Variants in PRKCE observed in about 807,000 individuals in gnomAD.
The protein encoded by PRKCE is protein kinase C epsilon.
A neutral mutation model predicts 85.4 loss-of-function variants in PRKCE; 16 were observed. The ratio of observed to expected loss-of-function variants is 0.19; its 90% CI spans 0.13 to 0.28. The LOEUF is 0.28. Among genes scored for constraint, PRKCE ranks in the 10% least tolerant of loss-of-function variants. The probability of loss-of-function intolerance (pLI) is 1.00; values close to 1 mark genes in which losing one functional copy is unlikely to be tolerated. For missense variants in PRKCE, 573 were observed against 975.2 expected, an observed-to-expected ratio of 0.59 and a Z score of 5.49; for synonymous variants, 388 against 371.5, an observed-to-expected ratio of 1.04 and a Z score of -0.51.
chr2:45,773,655 C>T (rs1216092946), intron 1 of PRKCE, among the ~76,000 whole-genome samples: 1 of 152,170 alleles, frequency 6.6e-6, no homozygotes, highest in Non-Finnish European at 1.5e-5. Flanking sequence ...TTCTAGAATT[C>T]CAGTGAGAGG....
intron 2 of PRKCE, among the ~76,000 whole-genome samples, chr2:45,867,475 C>T (rs1693703804): frequency 1.3e-5 from 2 of 152,194 alleles, no homozygotes; most frequent in Non-Finnish European, 2.9e-5. Context: ...CTGCAGCCAA[C>T]AGGGGTAGAG....
chr2:45,734,673 G>A (rs1427760653), intron 1 of PRKCE, among the ~76,000 whole-genome samples: 1 of 152,230 alleles, frequency 6.6e-6, no homozygotes, highest in Admixed American at 6.5e-5. Context: ...AGAACCCTGA[G>A]CCTGAGTGTA....
chr2:46,020,913 T>C (rs1377139716), intron 10 of PRKCE, among the ~76,000 whole-genome samples: 1 of 152,246 alleles, frequency 6.6e-6, no homozygotes, highest in Non-Finnish European at 1.5e-5. Context: ...ATTTCATCAA[T>C]CTTACCCAAG....
intron 10 of PRKCE, among the ~76,000 whole-genome samples, chr2:46,055,428 T>TG (rs1307137304): frequency 6.6e-6 from 1 of 152,220 alleles, no homozygotes; most frequent in Non-Finnish European, 1.5e-5. Flanking sequence ...TTCCCTCCCA[T>TG]GAAGGGGTCA....
chr2:46,166,005 G>T (rs1678301430), intron 14 of PRKCE, among the ~76,000 whole-genome samples: 1 of 152,234 alleles, frequency 6.6e-6, no homozygotes, highest in Non-Finnish European at 1.5e-5. Context: ...TCTCCAGGTA[G>T]GTGAGCCCTC....
chr2:46,033,834 C>T (rs1377308322), intron 10 of PRKCE, among the ~76,000 whole-genome samples: 3 of 152,172 alleles, frequency 2.0e-5, no homozygotes, highest in African/African-American at 7.2e-5. Flanking sequence ...GGCATTTCAC[C>T]TGAGCCTGGA....
intron 1 of PRKCE, among the ~76,000 whole-genome samples, chr2:45,791,732 C>T (rs1398543425): frequency 1.3e-5 from 2 of 152,224 alleles, no homozygotes; most frequent in East Asian, 1.9e-4. Flanking sequence ...GGTTAATGCG[C>T]TCCTCTCTGC....
chr2:45,878,803 A>G (rs943033857), intron 2 of PRKCE, among the ~76,000 whole-genome samples: 1 of 152,198 alleles, frequency 6.6e-6, no homozygotes, highest in Non-Finnish European at 1.5e-5. Flanking sequence ...TAAAAGATGC[A>G]CTTATTTTTC....
intron 1 of PRKCE, among the ~76,000 whole-genome samples, chr2:45,661,523 G>GTTTTTTTTTTTTTTTTTTTTTTTTTTTTT (rs367628974): frequency 3.1e-5 from 3 of 96,654 alleles, no homozygotes; most frequent in East Asian, 3.0e-4. Context: ...TTTGTTTTTT[G>GTTTTTTTTTTTTTTTTTTTTTTTTTTTTT]TTTTTTGTTT....
intron 1 of PRKCE, among the ~76,000 whole-genome samples, chr2:45,727,001 T>C (rs934451252): frequency 1.3e-5 from 2 of 152,318 alleles, no homozygotes; most frequent in Non-Finnish European, 2.9e-5. Context: ...ACAAGCTCTA[T>C]TGAGTTTGAG....
intron 1 of PRKCE, among the ~76,000 whole-genome samples, chr2:45,654,279 G>A (rs998136929): frequency 6.6e-6 from 1 of 152,218 alleles, no homozygotes; most frequent in African/African-American, 2.4e-5. Context: ...CCAAACTCTG[G>A]GAGCTTCAGG....
chr2:45,842,824 G>C (rs376428444), intron 1 of PRKCE, among the ~76,000 whole-genome samples, 176 bp from the exon 2 acceptor site: 1 of 152,142 alleles, frequency 6.6e-6, no homozygotes. Flanking sequence ...CTACCTATGG[G>C]GTATGCATCA....
chr2:45,903,599 A>G (rs528299584), intron 2 of PRKCE, among the ~76,000 whole-genome samples: 1 of 152,268 alleles, frequency 6.6e-6, no homozygotes, highest in African/African-American at 2.4e-5. Flanking sequence ...GTTATAAAGA[A>G]TTATTTTTTC....
At chr2:46,025,155 C>T (rs1558974994) in intron 10 of PRKCE, among the ~76,000 whole-genome samples, 2 of 152,164 alleles carry the variant, frequency 1.3e-5, no homozygotes, top group South Asian at 2.1e-4. Context: ...AAAGAATTCA[C>T]GAGAGAACTC....
intron 1 of PRKCE, among the ~76,000 whole-genome samples, chr2:45,817,494 C>A (rs1017734534): frequency 2.6e-5 from 4 of 151,748 alleles, no homozygotes; most frequent in African/African-American, 7.3e-5. Flanking sequence ...GAGATCGAGA[C>A]CATCCTGGCT....
At chr2:45,813,294 C>G (rs567873291) in intron 1 of PRKCE, among the ~76,000 whole-genome samples, 2 of 152,242 alleles carry the variant, frequency 1.3e-5, no homozygotes, top group African/African-American at 4.8e-5. Flanking sequence ...GGCCATGGGT[C>G]ATTTTCAAAA....
At chr2:46,044,488 G>A (rs1365478518) in intron 10 of PRKCE, among the ~76,000 whole-genome samples, 2 of 152,118 alleles carry the variant, frequency 1.3e-5, no homozygotes, top group Admixed American at 6.5e-5. Context: ...TAATAAATAC[G>A]CTTGTATTTA....
chr2:46,094,065 T>C (rs986081398), intron 11 of PRKCE, among the ~76,000 whole-genome samples: 7 of 152,204 alleles, frequency 4.6e-5, no homozygotes, highest in Non-Finnish European at 7.3e-5. Context: ...TATCTCCTTT[T>C]AGCATGTTTA....
intron 11 of PRKCE, among the ~76,000 whole-genome samples, chr2:46,119,119 G>C (rs1673064631): frequency 6.6e-6 from 1 of 152,130 alleles, no homozygotes; most frequent in Non-Finnish European, 1.5e-5. Context: ...TGTGGGGTTG[G>C]AGGCATAATT....
Sources: allele counts gnomAD v4.1 joint callset (sites outside exome capture counted in the v4.1 genomes callset), GRCh38; gene constraint gnomAD v4.1.1; transcripts MANE v1.5; gene names NCBI Gene and HGNC (gene_info 2026-07-23, HGNC 2026-07-21).